Variants in SLC1A3 observed in about 807,000 individuals in gnomAD.
SLC1A3 encodes the protein solute carrier family 1 member 3.
A neutral mutation model predicts 48.1 loss-of-function variants in SLC1A3; 21 were observed. That is an observed-to-expected ratio of 0.44 (90% CI 0.31 to 0.63). The LOEUF (loss-of-function observed/expected upper bound fraction) is 0.63, where lower values mean the gene tolerates loss of function less well. SLC1A3 is among the 20% of genes least tolerant of loss of function. SLC1A3 has a pLI of 0.08. For missense variants in SLC1A3, 546 were observed against 689.0 expected (o/e 0.79, Z 2.32); for synonymous variants, 239 against 251.4 (o/e 0.95, Z 0.47).
At chr5:36,613,032 T>A (rs1284885379) in intron 2 of SLC1A3, 1 of 343,948 alleles carries the variant, frequency 2.9e-6, no homozygotes, top group African/African-American at 2.2e-5. Flanking sequence ...GGTGGCAGAG[T>A]GGCTGATGAT....
chr5:36,650,423 T>C (rs1474663389), intron 3 of SLC1A3, among the ~76,000 whole-genome samples: 1 of 152,264 alleles, frequency 6.6e-6, no homozygotes, highest in African/African-American at 2.4e-5. Context: ...TTTCACAGTT[T>C]GTTTGAATCA....
intron 3 of SLC1A3, chr5:36,636,045 T>TTGTTTGTGTGTGTG (rs71604837): frequency 2.9e-5 from 4 of 137,724 alleles, no homozygotes; most frequent in African/African-American, 1.1e-4. Context: ...AATTAAATGT[T>TTGTTTGTGTGTGTG]TGTGTGTGTG....
rs1268967800 is a variant in SLC1A3, at chr5:36,626,314, C to G, written c.182-3136C>G. On this transcript the variant is annotated intron_variant, in intron 2 of 9. Coordinates refer to ENST00000265113, the MANE Select transcript of SLC1A3 (RefSeq NM_004172.5). ...CCTTGTTTGACTTTTGCTTCTAGAA[C>G]CTATATCATTAGCAGAACAGCTATT... 2.0e-5 allele frequency among the ~76,000 whole-genome samples: 3 copies of G among 152,146 alleles called. No individual in the cohort carries two copies. The East Asian group carries it at 5.8e-4, about 29-fold the overall frequency.
At chr5:36,630,841 T>A (rs565218172) in intron 3 of SLC1A3, among the ~76,000 whole-genome samples, 1 of 152,324 alleles carries the variant, frequency 6.6e-6, no homozygotes, top group South Asian at 2.1e-4. Flanking sequence ...CACTGGAGAA[T>A]GAATTGCCCA....
At chr5:36,605,696 A>G (rs112958055), upstream of SLC1A3, among the ~76,000 whole-genome samples, 1,470 of 152,304 alleles carry the variant, frequency 9.7e-3, 30 homozygotes, top group African/African-American at 0.033. Context: ...AAGTTTTGGG[A>G]ATAAGTCACC....
chr5:36,609,238 G>A (rs1441180164), intron 2 of SLC1A3: 2 of 960,282 alleles, frequency 2.1e-6, no homozygotes, highest in Admixed American at 6.2e-5. Flanking sequence ...TAATTTAGCA[G>A]GGTTGACAGC....
chr5:36,670,726 A>C (rs1274307786), intron 3 of SLC1A3: 1 of 447,462 alleles, frequency 2.2e-6, no homozygotes, highest in Non-Finnish European at 4.2e-6. Flanking sequence ...TAACCTAGGA[A>C]ACAATCTGAT....
At chr5:36,654,751 A>T (rs79788295) in intron 3 of SLC1A3, among the ~76,000 whole-genome samples, 2,114 of 152,234 alleles carry the variant, frequency 0.014, 58 homozygotes, top group African/African-American at 0.048. Context: ...TTGTTAATTC[A>T]TTCAGTATTG....
chr5:36,629,147 C>G (rs1276586731), intron 2 of SLC1A3, among the ~76,000 whole-genome samples: 1 of 152,102 alleles, frequency 6.6e-6, no homozygotes, highest in Non-Finnish European at 1.5e-5. Flanking sequence ...ATCTTTGTAA[C>G]TCTGTATTGA....
At chr5:36,617,708 G>A (rs1739501228) in intron 2 of SLC1A3, among the ~76,000 whole-genome samples, 1 of 151,900 alleles carries the variant, frequency 6.6e-6, no homozygotes, top group Admixed American at 6.6e-5. Flanking sequence ...CAATATACCT[G>A]GGATATTATT....
intron 3 of SLC1A3, among the ~76,000 whole-genome samples, chr5:36,647,699 A>G (rs1453144307): frequency 1.3e-5 from 2 of 152,228 alleles, no homozygotes; most frequent in African/African-American, 4.8e-5. Flanking sequence ...TTTTGTCAGC[A>G]TTGGAAAAAG....
rs10473034 is a variant in SLC1A3 at position 36,629,811 on chromosome 5, C to T, written c.319+224C>T. 2,174 of 539,646 alleles carry T rather than the reference C, an allele frequency of 4.0e-3. 30 individuals carry two copies. The highest frequency in any genetic ancestry group is 0.039 in the African/African-American group (2,028 of 52,398). The allele number at this position is 539,646 out of a possible 1,614,324, so 33.4% of individuals were successfully genotyped here. A position where few individuals can be genotyped will look rare whatever the true frequency, so the allele number is the denominator to read the frequency against. ...AAGAGGAAACGAATTTAAACAGCCA[C>T]GTAATCTGGTTCGCCTCACAGTGAA... is the stretch of plus-strand genomic sequence containing the variant. On this transcript the variant is annotated intron_variant, in intron 3 of 9. Transcript: ENST00000265113.
chr5:36,649,441 G>C (rs1365737679), intron 3 of SLC1A3: 2 of 151,730 alleles, frequency 1.3e-5, no homozygotes, highest in Non-Finnish European at 1.5e-5. Flanking sequence ...CCTATTTTTA[G>C]GCTTCCCAAA....
chr5:36,631,288 T>C (rs1740123329), intron 3 of SLC1A3, among the ~76,000 whole-genome samples: 1 of 152,210 alleles, frequency 6.6e-6, no homozygotes. Flanking sequence ...TATGATACAA[T>C]TAGAGAAGTG....
chr5:36,596,799 C>G (rs1738746376), intron 1 of SLC1A3, among the ~76,000 whole-genome samples: 1 of 152,230 alleles, frequency 6.6e-6, no homozygotes, highest in Admixed American at 6.5e-5. Context: ...TCTTGTCTCT[C>G]TGCCTTGTGA....
At chr5:36,679,494 A>T (rs1742344691) in intron 6 of SLC1A3, 133 bp from the exon 7 acceptor site, 1 of 733,584 alleles carries the variant, frequency 1.4e-6, no homozygotes. Flanking sequence ...AGTTTCTGTA[A>T]GTCCTAATGG....
intron 3 of SLC1A3, among the ~76,000 whole-genome samples, chr5:36,649,711 A>G (rs1740983515): frequency 6.6e-6 from 1 of 152,246 alleles, no homozygotes; most frequent in South Asian, 2.1e-4. Context: ...TTCCGGTCTC[A>G]ATATACTTAT....
intron 5 of SLC1A3, among the ~76,000 whole-genome samples, chr5:36,674,958 A>G (rs1348388770): frequency 2.6e-5 from 4 of 152,228 alleles, no homozygotes; most frequent in African/African-American, 9.6e-5. Context: ...CTTTAACCTC[A>G]CTTGAATATA....
At chr5:36,657,104 A>G (rs1214850931) in intron 3 of SLC1A3, among the ~76,000 whole-genome samples, 1 of 152,232 alleles carries the variant, frequency 6.6e-6, no homozygotes, top group Non-Finnish European at 1.5e-5. Context: ...AAATGATATG[A>G]CATTCCTATC....
Sources: gnomAD v4.1 joint callset for allele counts (sites outside exome capture counted in the v4.1 genomes callset) on GRCh38, gnomAD v4.1.1 for gene constraint, MANE v1.5 for transcripts, NCBI Gene and HGNC (gene_info 2026-07-23, HGNC 2026-07-21) for gene names.